Variants in GALNT6 observed in about 807,000 individuals in gnomAD.
The protein encoded by GALNT6 is polypeptide N-acetylgalactosaminyltransferase 6, also known as GalNAc transferase 6.
In GALNT6, 51 loss-of-function variants were observed where a neutral mutation model predicts 65.9. The ratio of observed to expected loss-of-function variants is 0.77; its 90% CI spans 0.62 to 0.98. The LOEUF is 0.98. Among genes scored for constraint, GALNT6 ranks in the 50% least tolerant of loss-of-function variants. The pLI is 0.00. For missense variants in GALNT6, 708 were observed against 803.3 expected (o/e 0.88, Z 1.43); for synonymous variants, 323 against 315.1 (o/e 1.02, Z -0.26).
intron 2 of GALNT6, among the ~76,000 whole-genome samples, chr12:51,381,202 T>C (rs1397756779): frequency 1.3e-5 from 2 of 152,218 alleles, no homozygotes; most frequent in African/African-American, 2.4e-5. Context: ...ATCGCACCAT[T>C]GCTCTTCAGC....
At chr12:51,358,308 T>G (rs776018522) in intron 8 of GALNT6, 47 bp from the exon 9 acceptor site, 8 of 1,583,604 alleles carry the variant, frequency 5.1e-6, no homozygotes, top group South Asian at 1.1e-5. Flanking sequence ...CCAGTTTTTT[T>G]TTTTTTTTTT....
At chr12:51,379,943 G>T in intron 2 of GALNT6, 59 bp from the exon 3 acceptor site, 2 of 720,300 alleles carry the variant, frequency 2.8e-6, no homozygotes, top group East Asian at 5.5e-5. Context: ...GAGGGAGTCG[G>T]GTGCTTGGGG....
intron 2 of GALNT6, among the ~76,000 whole-genome samples, chr12:51,382,857 G>A (rs556598571): frequency 6.6e-6 from 1 of 152,104 alleles, no homozygotes; most frequent in Non-Finnish European, 1.5e-5. Context: ...GTGATGGGGT[G>A]GGACAGTTTA....
At chr12:51,359,913 A>T (rs1946867150) in intron 7 of GALNT6, 2 of 152,164 alleles carry the variant, frequency 1.3e-5, no homozygotes, top group African/African-American at 4.8e-5. Flanking sequence ...GGCTGAAGAC[A>T]TCCCTCCCAC....
intron 2 of GALNT6, among the ~76,000 whole-genome samples, chr12:51,386,123 G>C (rs916085290): frequency 6.6e-6 from 1 of 152,204 alleles, no homozygotes. Context: ...AGGATATTCT[G>C]CCATTACACA....
chr12:51,368,190 C>G (rs1409693323), intron 4 of GALNT6, among the ~76,000 whole-genome samples: 2 of 151,522 alleles, frequency 1.3e-5, no homozygotes, highest in African/African-American at 4.9e-5. Flanking sequence ...GGACTTAATG[C>G]ACCCGAGTTT....
At position 51,377,193 on chromosome 12, in the gene GALNT6, A is replaced by G; in HGVS notation, c.664+2T>C. On this transcript the variant is annotated splice_donor_variant, in intron 4 of 11. Transcript: ENST00000356317. LOFTEE classifies it high-confidence loss of function. ...CCCTCCTCTGGGCCCCTCCAGCCTC[A>G]CCCTCTGTGCTGGCATCATCCACCA... The G allele has an allele frequency of 6.2e-7, 1 of 1,612,912 alleles. No individual in the cohort carries two copies. The highest frequency in any genetic ancestry group is 8.5e-7 in the Non-Finnish European group (1 of 1,179,844).
intron 2 of GALNT6, 77 bp downstream of exon 2, chr12:51,390,773 C>T (rs751263106): frequency 1.3e-5 from 2 of 152,326 alleles, no homozygotes; most frequent in Non-Finnish European, 2.9e-5. Context: ...TTGTCGGCTG[C>T]TAGAAGGGGT....
intron 8 of GALNT6, among the ~76,000 whole-genome samples, 160 bp from the exon 9 acceptor site, chr12:51,358,421 C>T (rs922086651): frequency 1.3e-5 from 2 of 152,064 alleles, no homozygotes; most frequent in Non-Finnish European, 2.9e-5. Context: ...CTGCCTCAGC[C>T]TCCTGAGTAG....
rs1175785937 is a variant in GALNT6 at position 51,359,264 on chromosome 12, C to G, written c.1236G>C (p.Lys412Asn). ...CSVVGHVFRTKSPHTFPKGTS... is the reference protein window; with the variant it reads ...CSVVGHVFRTNSPHTFPKGTS... ...TGCCCTTGGGGAAGGTGTGGGGGCT[C>G]TTGGTCCGGAACACATGGCCTACGA... Residue 412 changes from lysine to asparagine, a missense_variant, in exon 8 of 12, where the codon AAG (lysine) becomes AAC (asparagine). By Grantham distance (94) the Lys-to-Asn change is moderately conservative. Transcript: ENST00000356317. 6.8e-6 allele frequency: 11 copies of G among 1,614,022 alleles called. No homozygotes were observed. The highest frequency in any genetic ancestry group is 2.7e-5 in the African/African-American group (2 of 74,914).
intron 4 of GALNT6, among the ~76,000 whole-genome samples, chr12:51,371,232 C>G (rs946651918): frequency 2.0e-5 from 3 of 151,814 alleles, no homozygotes; most frequent in Non-Finnish European, 4.4e-5. Context: ...TACAGGTGCC[C>G]ACCACCATGC....
chr12:51,370,387 A>G (rs554474847), intron 4 of GALNT6, among the ~76,000 whole-genome samples: 1 of 152,306 alleles, frequency 6.6e-6, no homozygotes, highest in Non-Finnish European at 1.5e-5. Flanking sequence ...TCTACTAAAA[A>G]TTCAGAATTA....
At position 51,364,342 on chromosome 12, in the gene GALNT6, G is replaced by C; in HGVS notation, c.828C>G (p.His276Gln). Residue 276 changes from histidine (H) to glutamine (Q), a missense_variant, in exon 6 of 12, where the codon CAC becomes CAG. Transcript: ENST00000356317. ...TFLDAHCECF[H>Q]GWLEPLLARI... ...GAGCCAGGAGGGGCTCCAGCCAGCC[G>C]TGGAAGCACTCACCTGCAGGCCCCA... 1 of 1,613,740 alleles carries C rather than the reference G, an allele frequency of 6.2e-7. No homozygotes were observed. The highest frequency in any genetic ancestry group is 8.5e-7 in the Non-Finnish European group (1 of 1,179,596).
intron 11 of GALNT6, 123 bp downstream of exon 11, chr12:51,355,683 G>A (rs1475147170): frequency 1.8e-5 from 14 of 768,280 alleles, no homozygotes. Flanking sequence ...TTGGCCAGGT[G>A]GTCTCGAACT....
chr12:51,355,907 G>A lies in GALNT6; in HGVS notation c.1654C>T (p.Leu552=). The A allele has an allele frequency of 1.9e-6, 3 of 1,613,562 alleles. No homozygotes were observed. The highest frequency in any genetic ancestry group is 1.1e-5 in the South Asian group (1 of 91,078). Reference sequence around the variant, plus strand: ...GCACCCTTGCTGACATGTAGACACAGCTGCTTTGCGATGTTGTGGCGAAGG... The same window carrying A: ...GCACCCTTGCTGACATGTAGACACAACTGCTTTGCGATGTTGTGGCGAAGG... The part of the protein sequence containing the change: ...RDLRHNIAKQ[L]CLHVSKGALG... The change falls in exon 11 of 12, where the codon CTG becomes TTG. Residue 552 remains leucine (L), a synonymous_variant. Coordinates refer to ENST00000356317, the MANE Select transcript of GALNT6 (RefSeq NM_007210.4).
rs1947824479 is a variant in GALNT6, at chr12:51,385,906, C to G, written c.-104+4944G>C. On this transcript the variant is annotated intron_variant, in intron 2 of 11. Transcript: ENST00000356317. ...CTGAAGTGTAGTGGCATGAACACAG[C>G]TTTCTGCAGCCTCGACCTCCCAGGC... is the stretch of plus-strand genomic sequence containing the variant. 2.0e-5 allele frequency among the ~76,000 whole-genome samples: 3 copies of G among 152,100 alleles called. No homozygotes were observed. In the South Asian group the frequency reaches 6.2e-4, roughly 32 times the overall value.
At chr12:51,378,882 A>ACCCCCCCCCCCC (rs369224950) in intron 3 of GALNT6, among the ~76,000 whole-genome samples, 1 of 115,018 alleles carries the variant, frequency 8.7e-6, no homozygotes, top group Non-Finnish European at 1.7e-5. Flanking sequence ...AGAAATGCCC[A>ACCCCCCCCCCCC]CCCCCCCCCC....
chr12:51,351,621 T>C lies in GALNT6; in HGVS notation c.*2758A>G, dbSNP rs2137496224. On this transcript the variant is annotated 3_prime_UTR_variant, in exon 12 of 12. Transcript: ENST00000356317. ...CTCCTTCTAACTCATCCAGCACCTCTTGGAGCATCTCCAGGCTTGCTATGA... is the reference window on the plus strand; with the variant it reads ...CTCCTTCTAACTCATCCAGCACCTCCTGGAGCATCTCCAGGCTTGCTATGA... 6.6e-6 allele frequency: 1 copy of C among 152,396 alleles called. No homozygotes were observed. Among genetic ancestry groups the C allele is most frequent in the South Asian group, 2.1e-4 (1 of 4,830 alleles). The allele number at this position is 152,396 out of a possible 1,614,324, so 9.4% of individuals were successfully genotyped here.
At position 51,365,585 on chromosome 12, in the gene GALNT6, AG is replaced by A. The variant is rs776256656; in HGVS notation, c.665-7del. The A allele has an allele frequency of 8.7e-6, 14 of 1,613,336 alleles. No individual in the cohort carries two copies. The highest frequency in any genetic ancestry group is 1.7e-4 in the Middle Eastern group (1 of 5,984). On this transcript the variant is annotated splice_region_variant and splice_polypyrimidine_tract_variant and intron_variant, in intron 4 of 11. Transcript: ENST00000356317. ...CAGCTTCTCCTTTAGGTGCTCTGGA[AG>A]GGACAGTGTCATTGTGGCCAGTCCA...
Sources: gnomAD v4.1 joint callset for allele counts (sites outside exome capture counted in the v4.1 genomes callset) on GRCh38, gnomAD v4.1.1 for gene constraint, MANE v1.5 for transcripts, NCBI Gene and HGNC (gene_info 2026-07-23, HGNC 2026-07-21) for gene names.